The following OXSR1 variants were observed in gnomAD, a reference collection of about 807,000 sequenced individuals.
OXSR1 encodes serine/threonine-protein kinase OSR1.
Under a neutral mutation model 79.8 loss-of-function variants are expected in OXSR1, and 24 were observed. The ratio of observed to expected loss-of-function variants is 0.30; its 90% CI spans 0.22 to 0.42. The LOEUF is 0.42. Ranked by LOEUF, OXSR1 falls within the 10% of genes least tolerant of loss-of-function variation. The pLI, the probability that OXSR1 is intolerant of heterozygous loss-of-function variation, is 1.00. For missense variants in OXSR1, 430 were observed against 618.4 expected (o/e 0.70, Z 3.23); for synonymous variants, 226 against 209.2 (o/e 1.08, Z -0.69).
chr3:38,181,954 T>A (rs1307492018), intron 1 of OXSR1, among the ~76,000 whole-genome samples: 1 of 151,940 alleles, frequency 6.6e-6, no homozygotes, highest in Non-Finnish European at 1.5e-5. Flanking sequence ...CTCCTGGCCT[T>A]AGATGATCCT....
chr3:38,216,843 T>A (rs1702491272), intron 5 of OXSR1, among the ~76,000 whole-genome samples: 1 of 152,162 alleles, frequency 6.6e-6, no homozygotes, highest in African/African-American at 2.4e-5. Flanking sequence ...TAGGCGAACA[T>A]CTTCATGTCC....
At chr3:38,206,822 T>A (rs1295014040) in intron 4 of OXSR1, among the ~76,000 whole-genome samples, 1 of 152,244 alleles carries the variant, frequency 6.6e-6, no homozygotes, top group Non-Finnish European at 1.5e-5. Flanking sequence ...CTTAGCAGGC[T>A]TTAGAAGCAG....
intron 2 of OXSR1, among the ~76,000 whole-genome samples, chr3:38,186,447 C>G (rs990132371): frequency 3.9e-5 from 6 of 152,158 alleles, no homozygotes; most frequent in Non-Finnish European, 7.3e-5. Context: ...AAACTCCATA[C>G]CCATGACCAC....
At chr3:38,252,055 C>A (rs1187325216) in intron 16 of OXSR1, among the ~76,000 whole-genome samples, 1 of 152,182 alleles carries the variant, frequency 6.6e-6, no homozygotes, top group Non-Finnish European at 1.5e-5. Context: ...CTTTCTGATC[C>A]ATAAATCAGG....
rs757446405 is a variant in OXSR1, at chr3:38,246,564, TTTG to T, written c.1257+355_1257+357del. 3.5e-4 allele frequency among the ~76,000 whole-genome samples: 53 copies of T among 152,320 alleles called. 1 individual carries two copies. Among genetic ancestry groups the T allele is most frequent in the East Asian group, 1.9e-3 (10 of 5,186 alleles). On this transcript the variant is annotated intron_variant, in intron 13 of 17. Transcript: ENST00000311806. ...TAGGAGAATCGATGGCTGTACTGTT[TTTG>T]TTGTTGTTGTTCACTCAGGCTTATA...
rs1703061276 is a variant in OXSR1, at chr3:38,242,774, C to T, written c.1106C>T (p.Ser369Phe). The T allele has an allele frequency of 6.5e-7, 1 of 1,542,086 alleles. No homozygotes were observed. Residue 369 changes from serine (S) to phenylalanine (F), a missense_variant, in exon 12 of 18, where the codon TCT becomes TTT. By Grantham distance (155) the Ser-to-Phe change is radical. Around this residue, in one of 3 missense-constraint regions of OXSR1, gnomAD observed 276 missense variants for 354.2 expected, o/e 0.78. Transcript: ENST00000311806. Reference sequence around the variant, plus strand: ...CGAGTGAAAGAATCAATATCAAATTCTGAGGTAAGTAATTGTGATTATTGA... The same window carrying T: ...CGAGTGAAAGAATCAATATCAAATTTTGAGGTAAGTAATTGTGATTATTGA... ...SPRVKESISN[S>F]ELFPTTDPVG...
intron 4 of OXSR1, among the ~76,000 whole-genome samples, chr3:38,209,026 G>A (rs927245304): frequency 2.0e-5 from 3 of 152,092 alleles, no homozygotes; most frequent in African/African-American, 7.2e-5. Flanking sequence ...GGTGGGGTAT[G>A]GTACCTTGCT....
chr3:38,182,215 T>C (rs1701800117), intron 1 of OXSR1, among the ~76,000 whole-genome samples: 1 of 152,252 alleles, frequency 6.6e-6, no homozygotes, highest in Non-Finnish European at 1.5e-5. Flanking sequence ...TGCAGCTGCC[T>C]GGGCTGACCT....
chr3:38,251,794 A>C (rs1455001155), intron 16 of OXSR1, among the ~76,000 whole-genome samples: 2 of 152,226 alleles, frequency 1.3e-5, no homozygotes, highest in Non-Finnish European at 2.9e-5. Flanking sequence ...TTGTGGCCCA[A>C]GTTGAGCAAA....
chr3:38,246,959 T>C (rs1703153667), intron 13 of OXSR1, among the ~76,000 whole-genome samples: 1 of 150,130 alleles, frequency 6.7e-6, no homozygotes, highest in South Asian at 2.1e-4. Flanking sequence ...ATTAAAGGTC[T>C]GATTTTTTTT....
chr3:38,165,940 G>A lies in OXSR1; in HGVS notation c.64G>A (p.Val22Met), dbSNP rs775271026. Residue 22 changes from valine (V) to methionine (M), a missense_variant, in exon 1 of 18, where the codon GTG (valine) becomes ATG (methionine). Transcript: ENST00000311806. ...INRDDYELQE[V>M]IGSGATAVVQ... Reference sequence around the variant, plus strand: ...CAGGGACGATTACGAGCTGCAGGAGGTGATCGGTGAGAGCAGGCGCTGCGG... The same window carrying A: ...CAGGGACGATTACGAGCTGCAGGAGATGATCGGTGAGAGCAGGCGCTGCGG... The A allele has an allele frequency of 4.3e-6, 7 of 1,610,854 alleles. No homozygotes were observed. Among genetic ancestry groups the A allele is most frequent in the South Asian group, 1.1e-5 (1 of 90,862 alleles).
At chr3:38,197,064 G>A (rs1457499117) in intron 3 of OXSR1, among the ~76,000 whole-genome samples, 4 of 152,214 alleles carry the variant, frequency 2.6e-5, no homozygotes, top group Non-Finnish European at 5.9e-5. Flanking sequence ...TGAAACATGT[G>A]GCCCTTTGGT....
chr3:38,190,262 G>GT (rs1701958079), intron 2 of OXSR1, among the ~76,000 whole-genome samples: 3 of 152,038 alleles, frequency 2.0e-5, no homozygotes, highest in Admixed American at 2.0e-4. Flanking sequence ...ACGTTGTCCT[G>GT]TTTCAGTTTG....
chr3:38,221,508 T>C, intron 5 of OXSR1, 70 bp from the exon 6 acceptor site: 1 of 820,804 alleles, frequency 1.2e-6, no homozygotes, highest in Non-Finnish European at 2.1e-6. Flanking sequence ...TTCACTACAT[T>C]GTATTGTTTT....
At chr3:38,174,474 C>T (rs1245395434) in intron 1 of OXSR1, among the ~76,000 whole-genome samples, 3 of 152,048 alleles carry the variant, frequency 2.0e-5, no homozygotes, top group Non-Finnish European at 2.9e-5. Flanking sequence ...CCCAGCTACT[C>T]GGGAGGTTGA....
chr3:38,174,662 G>A (rs538992718), intron 1 of OXSR1, among the ~76,000 whole-genome samples: 1 of 152,302 alleles, frequency 6.6e-6, no homozygotes, highest in Non-Finnish European at 1.5e-5. Context: ...AGGTTATCCA[G>A]GGGAGAGAAG....
intron 7 of OXSR1, 27 bp from the exon 8 acceptor site, chr3:38,224,544 T>C: frequency 6.4e-7 from 1 of 1,565,426 alleles, no homozygotes; most frequent in East Asian, 2.3e-5. Context: ...TCATCACAAG[T>C]TTATAGTATA....
intron 10 of OXSR1, 52 bp from the exon 11 acceptor site, chr3:38,236,787 A>G: frequency 5.3e-6 from 8 of 1,509,784 alleles, no homozygotes; most frequent in East Asian, 2.3e-5. Flanking sequence ...GGAGTTTTCT[A>G]CTTAGTAAGC....
chr3:38,186,816 G>T (rs139773454), intron 2 of OXSR1, among the ~76,000 whole-genome samples: 3 of 152,232 alleles, frequency 2.0e-5, no homozygotes, highest in Admixed American at 6.5e-5. Context: ...ATTATCTTGA[G>T]TATATACCTA....
Sources: allele counts gnomAD v4.1 joint callset (sites outside exome capture counted in the v4.1 genomes callset), GRCh38; gene constraint gnomAD v4.1.1; regional missense constraint gnomAD v4.1.1; transcripts MANE v1.5; gene names NCBI Gene and HGNC (gene_info 2026-07-23, HGNC 2026-07-21).